GALNTL6: variants seen among roughly 807,000 people sequenced by gnomAD.
GALNTL6 encodes the protein polypeptide N-acetylgalactosaminyltransferase-like 6.
A neutral mutation model predicts 73.7 loss-of-function variants in GALNTL6; 46 were observed. The observed-to-expected ratio is 0.62, with a 90% confidence interval of 0.49 to 0.80. The LOEUF (loss-of-function observed/expected upper bound fraction) is 0.80, where lower values mean the gene tolerates loss of function less well. GALNTL6 is among the 30% of genes least tolerant of loss of function. GALNTL6 has a pLI of 0.00. For missense variants in GALNTL6, 604 were observed against 755.0 expected (o/e 0.80, Z 2.34); for synonymous variants, 259 against 263.7 (o/e 0.98, Z 0.17).
intron 10 of GALNTL6, among the ~76,000 whole-genome samples, chr4:172,961,333 TAGAG>T (rs1561057708): frequency 2.1e-5 from 2 of 94,462 alleles, no homozygotes; most frequent in South Asian, 3.6e-4. Flanking sequence ...GGAGAAGGGG[TAGAG>T]AGAGAGAAGG....
At chr4:172,985,468 G>A (rs1402889289) in intron 10 of GALNTL6, among the ~76,000 whole-genome samples, 1 of 151,940 alleles carries the variant, frequency 6.6e-6, no homozygotes, top group Admixed American at 6.6e-5. Context: ...CCACCTGACA[G>A]GTTCATCTTG....
intron 2 of GALNTL6, among the ~76,000 whole-genome samples, chr4:172,129,831 C>A (rs1173046312): frequency 6.6e-6 from 1 of 152,290 alleles, no homozygotes; most frequent in South Asian, 2.1e-4. Context: ...AGAGGAGATA[C>A]ACAGTGGGCT....
At chr4:172,742,648 G>A (rs1348291909) in intron 5 of GALNTL6, among the ~76,000 whole-genome samples, 1 of 152,032 alleles carries the variant, frequency 6.6e-6, no homozygotes, top group African/African-American at 2.4e-5. Flanking sequence ...CATGTATTCT[G>A]GCTATGTAAG....
intron 2 of GALNTL6, among the ~76,000 whole-genome samples, chr4:171,915,991 T>C (rs1737613514): frequency 6.6e-6 from 1 of 152,160 alleles, no homozygotes; most frequent in Non-Finnish European, 1.5e-5. Flanking sequence ...TTTCTTCTTT[T>C]AGAAAATTAT....
chr4:172,277,760 T>C (rs1177529036), intron 3 of GALNTL6, among the ~76,000 whole-genome samples: 1 of 152,190 alleles, frequency 6.6e-6, no homozygotes, highest in East Asian at 1.9e-4. Flanking sequence ...AGTGAAAAAA[T>C]GGAATTCTAC....
At chr4:172,052,555 T>C (rs1278543397) in intron 2 of GALNTL6, 2 of 1,495,970 alleles carry the variant, frequency 1.3e-6, no homozygotes, top group African/African-American at 2.8e-5. Flanking sequence ...AGCAAACGGC[T>C]GCAGTGCAGA....
Position 172,586,967 on chromosome 4 carries a change from C to T in GALNTL6, c.554-222394C>T, listed in dbSNP as rs566855753. On this transcript the variant is annotated intron_variant, in intron 5 of 12. Transcript: ENST00000506823. ...TGTAAAAATTAATGAAGTCTTTTAA[C>T]AGTGTAAGGTACAGCAAAGAAATGT... 3.3e-5 allele frequency among the ~76,000 whole-genome samples: 5 copies of T among 152,270 alleles called. No individual in the cohort carries two copies. The South Asian group carries it at 1.0e-3, about 32-fold the overall frequency.
In GALNTL6 at chr4:173,021,520, A is replaced by G. The variant is rs759232343; in HGVS notation, c.1533A>G (p.Pro511=). ...GWREDIRPGE[P]LHTRKFCFDA... ...GAGAAGATATTCGACCCGGTGAGCCACTGCATACCCGGAAATTCTGCTTTG... is the reference window on the plus strand; with the variant it reads ...GAGAAGATATTCGACCCGGTGAGCCGCTGCATACCCGGAAATTCTGCTTTG... The change falls in exon 12 of 13, where the codon CCA becomes CCG. Residue 511 remains proline (P), a synonymous_variant. Coordinates refer to ENST00000506823, the MANE Select transcript of GALNTL6 (RefSeq NM_001034845.3). The G allele has an allele frequency of 6.2e-7, 1 of 1,614,136 alleles. No individual in the cohort carries two copies. Among genetic ancestry groups the G allele is most frequent in the East Asian group, 2.2e-5 (1 of 44,878 alleles).
intron 5 of GALNTL6, among the ~76,000 whole-genome samples, chr4:172,693,198 T>C (rs1484669700): frequency 6.6e-6 from 1 of 152,214 alleles, no homozygotes; most frequent in Non-Finnish European, 1.5e-5. Context: ...GTCTACCTAA[T>C]TTTTAAAATA....
chr4:172,913,330 T>C (rs895577592), intron 8 of GALNTL6, among the ~76,000 whole-genome samples: 1 of 152,108 alleles, frequency 6.6e-6, no homozygotes, highest in Admixed American at 6.5e-5. Context: ...GAGCACCTCT[T>C]CTCCTCCAAA....
intron 5 of GALNTL6, among the ~76,000 whole-genome samples, chr4:172,784,521 G>A (rs979697276): frequency 6.6e-6 from 1 of 151,984 alleles, no homozygotes; most frequent in South Asian, 2.1e-4. Flanking sequence ...AGTCTAGAAT[G>A]GGTAGACAGG....
At chr4:172,400,960 C>T (rs1324548202) in intron 5 of GALNTL6, among the ~76,000 whole-genome samples, 2 of 152,066 alleles carry the variant, frequency 1.3e-5, no homozygotes, top group Non-Finnish European at 2.9e-5. Context: ...AAACATTTCA[C>T]TACAAATGAT....
chr4:171,856,757 TC>T (rs1735704547), intron 2 of GALNTL6, among the ~76,000 whole-genome samples: 1 of 152,226 alleles, frequency 6.6e-6, no homozygotes, highest in Admixed American at 6.5e-5. Context: ...GTGGGTATAT[TC>T]CTTGGCTTTT....
At chr4:172,486,266 A>G (rs1344637626) in intron 5 of GALNTL6, among the ~76,000 whole-genome samples, 1 of 152,194 alleles carries the variant, frequency 6.6e-6, no homozygotes, top group African/African-American at 2.4e-5. Flanking sequence ...TGAGAAACTG[A>G]TTGATTTGAA....
At chr4:172,549,627 C>T (rs1735887553) in intron 5 of GALNTL6, among the ~76,000 whole-genome samples, 2 of 151,850 alleles carry the variant, frequency 1.3e-5, no homozygotes, top group Admixed American at 1.3e-4. Flanking sequence ...CAAAATGTTG[C>T]TTATTTTCTT....
intron 2 of GALNTL6, among the ~76,000 whole-genome samples, chr4:172,226,605 C>CTGTGTGTG (rs3083245): frequency 0.016 from 2,360 of 150,086 alleles, 65 homozygotes; most frequent in African/African-American, 0.05. Flanking sequence ...GTGTGTGTTT[C>CTGTGTGTG]TGTGTGTGTG....
intron 3 of GALNTL6, among the ~76,000 whole-genome samples, chr4:172,296,228 T>C (rs1454290435): frequency 6.6e-6 from 1 of 152,204 alleles, no homozygotes; most frequent in Non-Finnish European, 1.5e-5. Flanking sequence ...TATATTGAGA[T>C]AACATTAAGA....
intron 8 of GALNTL6, among the ~76,000 whole-genome samples, chr4:172,892,136 G>A (rs1045957923): frequency 6.6e-6 from 1 of 152,154 alleles, no homozygotes; most frequent in African/African-American, 2.4e-5. Context: ...TGAATTCTAT[G>A]TCTGTTATTT....
At chr4:171,942,515 T>A (rs540273451) in intron 2 of GALNTL6, among the ~76,000 whole-genome samples, 14 of 152,318 alleles carry the variant, frequency 9.2e-5, no homozygotes, top group African/African-American at 3.1e-4. Flanking sequence ...GTAGGCTAGA[T>A]TTCCTTGCTT....
Sources: allele counts gnomAD v4.1 joint callset (sites outside exome capture counted in the v4.1 genomes callset), GRCh38; gene constraint gnomAD v4.1.1; transcripts MANE v1.5; gene names NCBI Gene and HGNC (gene_info 2026-07-23, HGNC 2026-07-21).